The following RCOR1 variants were observed in gnomAD, a reference collection of about 807,000 sequenced individuals.
RCOR1 encodes the protein REST corepressor.
RCOR1 carries 12 observed loss-of-function variants against 64.0 expected under a neutral mutation model. The observed-to-expected ratio is 0.19, with a 90% CI of 0.12 to 0.30. The LOEUF (loss-of-function observed/expected upper bound fraction) is 0.30, where lower values mean the gene tolerates loss of function less well. Ranked by LOEUF, RCOR1 falls within the 10% of genes least tolerant of loss-of-function variation. The probability of loss-of-function intolerance (pLI) is 1.00; values close to 1 mark genes in which losing one functional copy is unlikely to be tolerated. For missense variants in RCOR1, 502 were observed against 621.2 expected, an observed-to-expected ratio of 0.81 and a Z score of 2.04; for synonymous variants, 279 against 227.2, an observed-to-expected ratio of 1.23 and a Z score of -2.05.
At chr14:102,647,992 T>G (rs1894510546) in intron 2 of RCOR1, among the ~76,000 whole-genome samples, 1 of 152,214 alleles carries the variant, frequency 6.6e-6, no homozygotes, top group African/African-American at 2.4e-5. Flanking sequence ...TATTTTTAAT[T>G]TGATGGTCAT....
chr14:102,723,636 A>G lies in RCOR1; in HGVS notation c.1419+1220A>G, dbSNP rs139173354. Among the ~76,000 whole-genome samples the G allele has an allele frequency of 7.8e-3, 1,182 of 152,040 alleles. 18 individuals are homozygous for G. Among genetic ancestry groups the G allele is most frequent in the Middle Eastern group, 0.024 (7 of 294 alleles). Reference sequence around the variant, plus strand: ...ATGGTGTTTTTATCTTTCAGCAGTGATTTTTTTCTTTATTATTATTTCTTT... The same window carrying G: ...ATGGTGTTTTTATCTTTCAGCAGTGGTTTTTTTCTTTATTATTATTTCTTT... On this transcript the variant is annotated intron_variant, in intron 11 of 11. Transcript: ENST00000262241.
At chr14:102,716,614 T>C (rs1420375720) in intron 8 of RCOR1, among the ~76,000 whole-genome samples, 1 of 152,254 alleles carries the variant, frequency 6.6e-6, no homozygotes, top group Non-Finnish European at 1.5e-5. Context: ...AACTGTCCTT[T>C]ATCCTTTGCA....
chr14:102,598,355 A>G (rs1005886155), intron 2 of RCOR1, among the ~76,000 whole-genome samples: 2 of 151,958 alleles, frequency 1.3e-5, no homozygotes, highest in African/African-American at 2.4e-5. Flanking sequence ...GATATTTCCT[A>G]TGCAGTTCAA....
chr14:102,658,678 C>G (rs1182398769), intron 2 of RCOR1: 1 of 921,216 alleles, frequency 1.1e-6, no homozygotes. Context: ...ACCCAGAAAC[C>G]AACACTGATA....
At chr14:102,726,383 C>G in intron 11 of RCOR1, 85 bp from the exon 12 acceptor site, 1 of 1,241,250 alleles carries the variant, frequency 8.1e-7, no homozygotes, top group Non-Finnish European at 1.1e-6. Flanking sequence ...TGGCTACCTT[C>G]TCTTTTCAGT....
chr14:102,609,869 G>T (rs1169704569), intron 2 of RCOR1, among the ~76,000 whole-genome samples: 1 of 151,930 alleles, frequency 6.6e-6, no homozygotes, highest in East Asian at 1.9e-4. Context: ...GCCGGGTGCA[G>T]TGGCTCACCC....
At position 102,708,446 on chromosome 14, in the gene RCOR1, A is replaced by G; in HGVS notation, c.661-19A>G. 7.8e-7 allele frequency: 1 copy of G among 1,280,360 alleles called. No individual in the cohort carries two copies. The highest frequency in any genetic ancestry group is 2.3e-5 in the East Asian group (1 of 43,264). The allele number at this position is 1,280,360 out of a possible 1,614,324, so 79.3% of individuals were successfully genotyped here. A position where few individuals can be genotyped will look rare whatever the true frequency, so the allele number is the denominator to read the frequency against. The stretch of plus-strand genomic sequence containing the variant: ...ATTACTTTTTTATTTAAATAAACCA[A>G]CTCATTTTTTATGTTTAGCTTCCAG... On this transcript the variant is annotated intron_variant, in intron 5 of 11. Transcript: ENST00000262241.
intron 2 of RCOR1, among the ~76,000 whole-genome samples, chr14:102,606,565 T>G (rs550958433): frequency 1.3e-5 from 2 of 152,072 alleles, no homozygotes; most frequent in Non-Finnish European, 2.9e-5. Context: ...AGTGGTGTCA[T>G]GTATGTCTGA....
rs1392546789 is a variant in RCOR1, at chr14:102,727,862, A to G, written c.*1356A>G. ...TGGGCCTGCTGAGGGTTGAGCAGAC[A>G]GCCTGCATTCTAACATACCCTGTTC... is the stretch of plus-strand genomic sequence containing the variant. On this transcript the variant is annotated 3_prime_UTR_variant, in exon 12 of 12. Transcript: ENST00000262241. 6.6e-6 allele frequency: 1 copy of G among 152,480 alleles called. No individual in the cohort carries two copies. The highest frequency in any genetic ancestry group is 1.5e-5 in the Non-Finnish European group (1 of 68,034). 9.4% of individuals were successfully genotyped at this position (152,480 alleles called of 1,614,324 possible).
At chr14:102,713,973 AATG>A (rs1302046510) in intron 7 of RCOR1, among the ~76,000 whole-genome samples, 1 of 152,272 alleles carries the variant, frequency 6.6e-6, no homozygotes, top group Non-Finnish European at 1.5e-5. Context: ...TGCATTTTAA[AATG>A]ATAAGGTATA....
In RCOR1 at chr14:102,607,939, C is replaced by T. The variant is rs138802323; in HGVS notation, c.361+14614C>T. Among the ~76,000 whole-genome samples the T allele has an allele frequency of 9.4e-3, 1,424 of 152,118 alleles. 23 individuals are homozygous for T. The highest frequency in any genetic ancestry group is 0.032 in the African/African-American group (1,349 of 41,516). On this transcript the variant is annotated intron_variant, in intron 2 of 11. Coordinates refer to ENST00000262241, the MANE Select transcript of RCOR1 (RefSeq NM_015156.4). ...GGTGTGGCGGTGCACGCCTCTAATC[C>T]CAGCTACTTGGGAGGCTGAGGCAGG... is the stretch of plus-strand genomic sequence containing the variant.
At chr14:102,723,799 T>TCC (rs1192328717) in intron 11 of RCOR1, among the ~76,000 whole-genome samples, 1 of 152,204 alleles carries the variant, frequency 6.6e-6, no homozygotes, top group Non-Finnish European at 1.5e-5. Flanking sequence ...TGTGTGTGTT[T>TCC]TCCGGCTTCG....
At chr14:102,691,157 C>T (rs546032349) in intron 3 of RCOR1, among the ~76,000 whole-genome samples, 8 of 152,284 alleles carry the variant, frequency 5.3e-5, no homozygotes, top group Non-Finnish European at 7.3e-5. Context: ...TTACAGTCTA[C>T]GGGAAGCTGC....
rs1893575529 is a variant in RCOR1, at chr14:102,609,088, A to G, written c.361+15763A>G. ...GAGACAGGCTCTTGCTCTGTTGCCC[A>G]GGCTGGGGTGACAGTGGTATGATCT... On this transcript the variant is annotated intron_variant, in intron 2 of 11. Coordinates refer to ENST00000262241, the MANE Select transcript of RCOR1 (RefSeq NM_015156.4). Among the ~76,000 whole-genome samples, 12 of 128,066 alleles carry G rather than the reference A, an allele frequency of 9.4e-5. No homozygotes were observed. In the South Asian group the frequency reaches 2.9e-3, roughly 31 times the overall value. The allele number at this position is 128,066 out of a possible 152,430, so 84.0% of individuals were successfully genotyped here.
intron 3 of RCOR1, among the ~76,000 whole-genome samples, chr14:102,691,448 T>TA (rs977094631): frequency 2.0e-5 from 3 of 152,090 alleles, no homozygotes; most frequent in Admixed American, 1.3e-4. Flanking sequence ...GATTCTAAAA[T>TA]AAAAAGTTGA....
chr14:102,633,815 A>G (rs1894176766), intron 2 of RCOR1, among the ~76,000 whole-genome samples: 1 of 152,212 alleles, frequency 6.6e-6, no homozygotes, highest in Non-Finnish European at 1.5e-5. Flanking sequence ...CTGGGATTAC[A>G]GGCATGAGCC....
chr14:102,599,808 GTT>G (rs1555460975), intron 2 of RCOR1, among the ~76,000 whole-genome samples: 1 of 41,670 alleles, frequency 2.4e-5, no homozygotes, highest in Non-Finnish European at 5.7e-5. Context: ...GTTTTGTTTT[GTT>G]TTTTTTTTTT....
At chr14:102,630,562 G>A (rs767780939) in intron 2 of RCOR1, among the ~76,000 whole-genome samples, 1 of 152,140 alleles carries the variant, frequency 6.6e-6, no homozygotes, top group African/African-American at 2.4e-5. Context: ...GCAGAAATAC[G>A]ACACCTTACA....
At chr14:102,672,652 T>C (rs1285539509) in intron 2 of RCOR1, among the ~76,000 whole-genome samples, 1 of 152,168 alleles carries the variant, frequency 6.6e-6, no homozygotes, top group East Asian at 1.9e-4. Flanking sequence ...AATAAACTTA[T>C]CCAATATGCT....
Sources: allele counts gnomAD v4.1 joint callset (sites outside exome capture counted in the v4.1 genomes callset), GRCh38; gene constraint gnomAD v4.1.1; transcripts MANE v1.5; gene names NCBI Gene and HGNC (gene_info 2026-07-23, HGNC 2026-07-21).